DAPK1: variants seen among roughly 807,000 people sequenced by gnomAD.
The protein encoded by DAPK1 is death-associated protein kinase 1.
DAPK1 carries 56 observed loss-of-function variants against 144.9 expected under a neutral mutation model. The observed-to-expected ratio is 0.39, with a 90% CI of 0.31 to 0.48. DAPK1 has a LOEUF of 0.48. DAPK1 is among the 20% of genes least tolerant of loss of function. The probability of loss-of-function intolerance (pLI) is 0.95; values close to 1 mark genes in which losing one functional copy is unlikely to be tolerated. For missense variants in DAPK1, 1,454 were observed against 1,875.4 expected (o/e 0.78, Z 4.15); for synonymous variants, 690 against 749.0 (o/e 0.92, Z 1.29).
chr9:87,532,844 T>G (rs1384203384), intron 2 of DAPK1, among the ~76,000 whole-genome samples: 1 of 152,106 alleles, frequency 6.6e-6, no homozygotes, highest in East Asian at 1.9e-4. Flanking sequence ...CCACCCAGAG[T>G]CTGTAATTAC....
chr9:87,583,921 A>G (rs947074113), intron 2 of DAPK1, among the ~76,000 whole-genome samples: 1 of 152,228 alleles, frequency 6.6e-6, no homozygotes, highest in African/African-American at 2.4e-5. Context: ...CATACAGAAA[A>G]TCCACTTCCC....
intron 18 of DAPK1, 94 bp from the exon 19 acceptor site, chr9:87,668,503 G>C: frequency 1.2e-6 from 1 of 826,598 alleles, no homozygotes; most frequent in Non-Finnish European, 2.1e-6. Context: ...CACCTGCTAT[G>C]CTTGTTTCTG....
intron 3 of DAPK1, among the ~76,000 whole-genome samples, chr9:87,620,791 C>A (rs1425812508): frequency 1.3e-5 from 2 of 151,950 alleles, no homozygotes; most frequent in Admixed American, 1.3e-4. Flanking sequence ...GAAAAAAAAA[C>A]CCATCTATGG....
At position 87,668,959 on chromosome 9, in the gene DAPK1, C is replaced by T. The variant is rs186125146; in HGVS notation, c.2001+285C>T. ...ATAATAAACCACTCCCACAAAGTAG[C>T]GGGGGATGAGGACGCTGACTCTGCC... On this transcript the variant is annotated intron_variant, in intron 19 of 25. Coordinates refer to ENST00000408954, the MANE Select transcript of DAPK1 (RefSeq NM_004938.4). 9.7e-4 allele frequency: 307 copies of T among 316,374 alleles called. 1 individual carries two copies. Among genetic ancestry groups the T allele is most frequent in the African/African-American group, 6.2e-3 (288 of 46,826 alleles). 19.6% of individuals were successfully genotyped at this position (316,374 alleles called of 1,614,324 possible).
chr9:87,645,586 A>G (rs1053521559), intron 11 of DAPK1, among the ~76,000 whole-genome samples: 3 of 152,218 alleles, frequency 2.0e-5, no homozygotes, highest in Non-Finnish European at 1.5e-5. Context: ...GTTTTGACAG[A>G]TTCTTAAGAT....
chr9:87,661,675 G>GT (rs1490279401), intron 18 of DAPK1, among the ~76,000 whole-genome samples: 1 of 152,062 alleles, frequency 6.6e-6, no homozygotes, highest in Non-Finnish European at 1.5e-5. Flanking sequence ...TTATTTTGGG[G>GT]TTTTTGTTGT....
intron 3 of DAPK1, among the ~76,000 whole-genome samples, chr9:87,608,602 A>G (rs1828815240): frequency 6.6e-6 from 1 of 152,210 alleles, no homozygotes; most frequent in African/African-American, 2.4e-5. Flanking sequence ...GCAGCAATGG[A>G]TGAGAATTCC....
rs572352965 is a variant in DAPK1 at position 87,508,403 on chromosome 9, C to T, written c.62+9264C>T. On this transcript the variant is annotated intron_variant, in intron 2 of 25. Transcript: ENST00000408954. The stretch of plus-strand genomic sequence containing the variant: ...TGTCGCCCAGGCTGGAGTGCAGTGG[C>T]GCGATTTCGGCTCACTGCAACCTCC... Among the ~76,000 whole-genome samples, 34 of 149,320 alleles carry T rather than the reference C, an allele frequency of 2.3e-4. No homozygotes were observed. In the East Asian group the frequency reaches 4.0e-3, roughly 18 times the overall value.
rs571889244 is a variant in DAPK1, at chr9:87,637,904, CAG to C, written c.285-36_285-35del. The stretch of plus-strand genomic sequence containing the variant: ...TATGAGAGAAGGAATCAATATGAAA[CAG>C]AGTTGTTACCAATAACCTCTGCTTC... On this transcript the variant is annotated intron_variant, in intron 3 of 25. Coordinates refer to ENST00000408954, the MANE Select transcript of DAPK1 (RefSeq NM_004938.4). The C allele has an allele frequency of 1.5e-4, 241 of 1,603,528 alleles. No homozygotes were observed. In the African/African-American group the frequency reaches 2.9e-3, roughly 20 times the overall value.
chr9:87,639,416 T>C lies in DAPK1; in HGVS notation c.486T>C (p.Phe162=), dbSNP rs56314733. ...VPKPRIKIID[F]GLAHKIDFGN... ...AACCTCGGATCAAGATCATTGACTT[T>C]GGGTTGGCCCATAAAATTGACTTTG... The change falls in exon 5 of 26, where the codon TTT becomes TTC. Residue 162 remains phenylalanine, a synonymous_variant. Transcript: ENST00000408954. 3,208 of 1,613,838 alleles carry C rather than the reference T, an allele frequency of 2.0e-3. 5 individuals are homozygous for C. Among genetic ancestry groups the C allele is most frequent in the Middle Eastern group, 9.2e-3 (56 of 6,060 alleles).
chr9:87,648,105 A>G (rs891450190), intron 14 of DAPK1, among the ~76,000 whole-genome samples: 56 of 152,238 alleles, frequency 3.7e-4, no homozygotes, highest in Admixed American at 3.6e-3. Context: ...GCACTGCACC[A>G]TATCTGAGGG....
rs76327212 is a variant in DAPK1, at chr9:87,647,085, A to G, written c.1231-220A>G. Among the ~76,000 whole-genome samples, 1,146 of 152,350 alleles carry G rather than the reference A, an allele frequency of 7.5e-3. 11 individuals carry two copies. Among genetic ancestry groups the G allele is most frequent in the Non-Finnish European group, 9.8e-3 (665 of 68,034 alleles). On this transcript the variant is annotated intron_variant, in intron 13 of 25. Transcript: ENST00000408954. Reference sequence around the variant, plus strand: ...TTGGAAAAGTGGTACAGAGAGTTCCATCATTCGCTTCACCCAGGTGCCCCT... The same window carrying G: ...TTGGAAAAGTGGTACAGAGAGTTCCGTCATTCGCTTCACCCAGGTGCCCCT...
chr9:87,679,017 C>A (rs1233748330), intron 19 of DAPK1, among the ~76,000 whole-genome samples: 1 of 152,070 alleles, frequency 6.6e-6, no homozygotes, highest in African/African-American at 2.4e-5. Context: ...TGGAAGAGAT[C>A]AGGAGATCAG....
chr9:87,688,751 C>T (rs1174312308), intron 21 of DAPK1, among the ~76,000 whole-genome samples: 4 of 152,190 alleles, frequency 2.6e-5, no homozygotes, highest in South Asian at 2.1e-4. Flanking sequence ...AGTGTCTGTT[C>T]GTGTCCTTTG....
rs928855770 is a variant in DAPK1 at position 87,641,950 on chromosome 9, T to A, written c.829-19T>A. ...ATAATTTGAGAGCTTTAATTTTTTTTCTTGGATTTTTATTTTAGCCTAAAG... is the reference window on the plus strand; with the variant it reads ...ATAATTTGAGAGCTTTAATTTTTTTACTTGGATTTTTATTTTAGCCTAAAG... On this transcript the variant is annotated intron_variant, in intron 9 of 25. Coordinates refer to ENST00000408954, the MANE Select transcript of DAPK1 (RefSeq NM_004938.4). 1 of 1,589,600 alleles carries A rather than the reference T, an allele frequency of 6.3e-7. No homozygotes were observed. Among genetic ancestry groups the A allele is most frequent in the Non-Finnish European group, 8.6e-7 (1 of 1,167,342 alleles).
chr9:87,525,261 A>G, intron 2 of DAPK1: 2 of 1,466,096 alleles, frequency 1.4e-6, no homozygotes, highest in Middle Eastern at 2.4e-4. Context: ...TGCGTTGAAT[A>G]GAGCTTCTTG....
chr9:87,516,014 A>T (rs1825040040), intron 2 of DAPK1, among the ~76,000 whole-genome samples: 1 of 152,112 alleles, frequency 6.6e-6, no homozygotes, highest in Admixed American at 6.5e-5. Context: ...CAGGGAGAAC[A>T]CAAAGCAGAG....
rs370879641 is a variant in DAPK1 at position 87,633,350 on chromosome 9, G to A, written c.285-4593G>A. ...TATGAAGGAAGATGAGTATATGTGCGTATGGGTGAGGGGGGATGGAGTGAA... is the reference window on the plus strand; with the variant it reads ...TATGAAGGAAGATGAGTATATGTGCATATGGGTGAGGGGGGATGGAGTGAA... On this transcript the variant is annotated intron_variant, in intron 3 of 25. Transcript: ENST00000408954. The A allele has an allele frequency of 1.1e-4, 105 of 985,108 alleles. 1 individual carries two copies. The African/African-American group carries it at 1.2e-3, about 11-fold the overall frequency. The allele number at this position is 985,108 out of a possible 1,614,324, so 61.0% of individuals were successfully genotyped here.
At chr9:87,498,847 C>T in intron 1 of DAPK1, 123 bp from the exon 2 acceptor site, 2 of 524,132 alleles carry the variant, frequency 3.8e-6, no homozygotes, top group Non-Finnish European at 6.9e-6. Context: ...CTCTCCACCC[C>T]GCGAGGAGGG....
Sources: allele counts gnomAD v4.1 joint callset (sites outside exome capture counted in the v4.1 genomes callset), GRCh38; gene constraint gnomAD v4.1.1; transcripts MANE v1.5; gene names NCBI Gene and HGNC (gene_info 2026-07-23, HGNC 2026-07-21).